Variants in SLC9A8 observed in about 807,000 individuals in gnomAD.
SLC9A8 encodes sodium/hydrogen exchanger 8.
Under a neutral mutation model 66.6 loss-of-function variants are expected in SLC9A8, and 48 were observed. The observed-to-expected ratio is 0.72, with a 90% CI of 0.57 to 0.92. The LOEUF is 0.92. Ranked by LOEUF, SLC9A8 falls within the 40% of genes least tolerant of loss-of-function variation. SLC9A8 has a pLI of 0.00. For synonymous variants in SLC9A8, 274 were observed against 282.6 expected (o/e 0.97, Z 0.31); for missense variants, 599 against 747.3 (o/e 0.80, Z 2.31).
In SLC9A8 at chr20:49,819,254, A is replaced by G. The variant is rs556738007; in HGVS notation, c.209-3807A>G. 2.0e-5 allele frequency among the ~76,000 whole-genome samples: 3 copies of G among 152,330 alleles called. No individual in the cohort carries two copies. In the South Asian group the frequency reaches 6.2e-4, roughly 32 times the overall value. ...TTGATATGTGTTTTATATATTTTCC[A>G]TAGTCATTACTCCAGGCATGAAAAA... On this transcript the variant is annotated intron_variant, in intron 2 of 15. Coordinates refer to ENST00000361573, the MANE Select transcript of SLC9A8 (RefSeq NM_015266.3).
Position 49,883,910 on chromosome 20 carries a change from G to A in SLC9A8, c.1335G>A (p.Arg445=), listed in dbSNP as rs1316177063. ...TGGACCTGGAGCCCATGGAGAAGCG[G>A]CAGCTCATCGGCACCACCACCATCG... ...LHLDLEPMEK[R]QLIGTTTIVI... The change falls in exon 14 of 16, where the codon CGG becomes CGA. Residue 445 remains arginine, a synonymous_variant. Coordinates refer to ENST00000361573, the MANE Select transcript of SLC9A8 (RefSeq NM_015266.3). The A allele has an allele frequency of 1.2e-6, 2 of 1,611,094 alleles. No homozygotes were observed. The highest frequency in any genetic ancestry group is 3.3e-5 in the Admixed American group (2 of 60,012).
chr20:49,888,131 A>G lies in SLC9A8; in HGVS notation c.*195A>G, dbSNP rs549458338. 3.8e-6 allele frequency: 2 copies of G among 524,926 alleles called. No individual in the cohort carries two copies. The highest frequency in any genetic ancestry group is 6.9e-5 in the East Asian group (2 of 28,838). 32.5% of individuals were successfully genotyped at this position (524,926 alleles called of 1,614,324 possible). The stretch of plus-strand genomic sequence containing the variant: ...CTCTGGAGCCAGGCGACTTCTTGGG[A>G]AACTGTCATCTCCCGACTCCTCCCT... On this transcript the variant is annotated 3_prime_UTR_variant, in exon 16 of 16. Transcript: ENST00000361573.
chr20:49,824,586 T>C (rs1470847079), intron 3 of SLC9A8, among the ~76,000 whole-genome samples: 1 of 152,236 alleles, frequency 6.6e-6, no homozygotes, highest in Non-Finnish European at 1.5e-5. Context: ...TGATAATTCT[T>C]ATAATTTCAT....
intron 2 of SLC9A8, among the ~76,000 whole-genome samples, chr20:49,820,500 A>G (rs1043294058): frequency 2.0e-5 from 3 of 149,870 alleles, no homozygotes; most frequent in African/African-American, 2.5e-5. Context: ...TGTCTCGGGG[A>G]AAAAAAAAAT....
rs1054923056 is a variant in SLC9A8, at chr20:49,872,613, G to A, written c.959-2092G>A. On this transcript the variant is annotated intron_variant, in intron 10 of 15. Transcript: ENST00000361573. ...GCAGTTCTCTGCCTCAGCCTCCAGA[G>A]TAGCTGGGATTACAGGCGTGTGCCA... Among the ~76,000 whole-genome samples, 47 of 152,298 alleles carry A rather than the reference G, an allele frequency of 3.1e-4. 1 individual carries two copies. Among genetic ancestry groups the A allele is most frequent in the African/African-American group, 1.1e-3 (46 of 41,574 alleles).
At chr20:49,836,721 T>C (rs567501544) in intron 3 of SLC9A8, among the ~76,000 whole-genome samples, 1 of 152,322 alleles carries the variant, frequency 6.6e-6, no homozygotes, top group East Asian at 1.9e-4. Flanking sequence ...TGAGTAGAAT[T>C]GCTGGGTCAT....
chr20:49,840,584 A>G (rs1380108297), intron 4 of SLC9A8, among the ~76,000 whole-genome samples: 3 of 152,202 alleles, frequency 2.0e-5, no homozygotes, highest in Admixed American at 1.3e-4. Context: ...AATATTTTAT[A>G]TATTAAATAA....
intron 10 of SLC9A8, among the ~76,000 whole-genome samples, chr20:49,873,626 C>T (rs2089297761): frequency 6.6e-6 from 1 of 151,692 alleles, no homozygotes; most frequent in South Asian, 2.1e-4. Context: ...CAAAAATGAG[C>T]TGGGCATGGT....
chr20:49,869,664 T>C (rs2089128286), intron 10 of SLC9A8, among the ~76,000 whole-genome samples: 1 of 151,936 alleles, frequency 6.6e-6, no homozygotes, highest in African/African-American at 2.4e-5. Flanking sequence ...AAACCCCATC[T>C]CTACTAAAAA....
At chr20:49,855,894 G>A (rs1187859034) in intron 8 of SLC9A8, among the ~76,000 whole-genome samples, 1 of 152,084 alleles carries the variant, frequency 6.6e-6, no homozygotes, top group Admixed American at 6.6e-5. Context: ...GGGTTCAACT[G>A]ATCTCCCACC....
rs186172293 is a variant in SLC9A8, at chr20:49,830,991, C to G, written c.289+7850C>G. On this transcript the variant is annotated intron_variant, in intron 3 of 15. Coordinates refer to ENST00000361573, the MANE Select transcript of SLC9A8 (RefSeq NM_015266.3). ...GGCAATGCGGTCAACTCTCTGACTC[C>G]CATGGCAGCTGCAGCCAACCAGGTG... The G allele has an allele frequency of 1.3e-3, 1,016 of 753,838 alleles. 29 individuals are homozygous for G. The Admixed American group carries it at 0.017, about 12-fold the overall frequency. 46.7% of individuals were successfully genotyped at this position (753,838 alleles called of 1,614,324 possible).
intron 14 of SLC9A8, among the ~76,000 whole-genome samples, chr20:49,884,338 C>CACACA (rs1600823664): frequency 0.01 from 449 of 44,562 alleles, 134 homozygotes; most frequent in Middle Eastern, 0.024. Context: ...ACACACACAC[C>CACACA]CCCCGGTCAT....
chr20:49,819,002 A>G (rs1381738779), intron 2 of SLC9A8, among the ~76,000 whole-genome samples: 1 of 152,218 alleles, frequency 6.6e-6, no homozygotes, highest in Non-Finnish European at 1.5e-5. Flanking sequence ...TAAGCACATG[A>G]CAGGATTACA....
intron 4 of SLC9A8, among the ~76,000 whole-genome samples, chr20:49,843,906 T>TC (rs2087868856): frequency 6.6e-6 from 1 of 152,088 alleles, no homozygotes. Flanking sequence ...GTTGCTCTGT[T>TC]CGTTCCCTAT....
At chr20:49,883,296 C>T (rs1181840002) in intron 13 of SLC9A8, among the ~76,000 whole-genome samples, 1 of 152,186 alleles carries the variant, frequency 6.6e-6, no homozygotes, top group Non-Finnish European at 1.5e-5. Flanking sequence ...GGGGCCTCCA[C>T]AGGGACAGCA....
At chr20:49,878,134 C>A in intron 12 of SLC9A8, 71 bp downstream of exon 12, 1 of 925,544 alleles carries the variant, frequency 1.1e-6, no homozygotes, top group South Asian at 1.8e-5. Flanking sequence ...GTTCCGGATT[C>A]ATTTATGTAA....
At chr20:49,817,409 C>T (rs971983337) in intron 2 of SLC9A8, among the ~76,000 whole-genome samples, 1 of 150,556 alleles carries the variant, frequency 6.6e-6, no homozygotes, top group Admixed American at 6.6e-5. Flanking sequence ...CAAAGTCATA[C>T]TCCTAATGAG....
intron 7 of SLC9A8, among the ~76,000 whole-genome samples, chr20:49,851,452 G>A (rs971738286): frequency 6.6e-6 from 1 of 152,212 alleles, no homozygotes; most frequent in African/African-American, 2.4e-5. Context: ...CTGAAAAAGT[G>A]CCCATGCTGA....
rs2089999810 is a variant in SLC9A8, at chr20:49,889,754, G to GC, written c.*1822dup. ...AGTCAGAGGGTAGGGACCTTTGCCT[G>GC]CCCCTGGGCGAGTGCGGGCAGGGAT... On this transcript the variant is annotated 3_prime_UTR_variant, in exon 16 of 16. Transcript: ENST00000361573. 1 of 152,126 alleles carries GC rather than the reference G, an allele frequency of 6.6e-6. No individual in the cohort carries two copies. 9.4% of individuals were successfully genotyped at this position (152,126 alleles called of 1,614,324 possible).
Sources: gnomAD v4.1 joint callset for allele counts (sites outside exome capture counted in the v4.1 genomes callset) on GRCh38, gnomAD v4.1.1 for gene constraint, MANE v1.5 for transcripts, NCBI Gene and HGNC (gene_info 2026-07-23, HGNC 2026-07-21) for gene names.